QKI: variants seen among roughly 807,000 people sequenced by gnomAD.
QKI encodes KH domain-containing RNA-binding protein QKI.
A neutral mutation model predicts 39.0 loss-of-function variants in QKI; 10 were observed. The observed-to-expected ratio is 0.26, with a 90% CI of 0.16 to 0.43. The LOEUF (loss-of-function observed/expected upper bound fraction) is 0.43. Ranked by LOEUF, QKI falls within the 20% of genes least tolerant of loss-of-function variation. The pLI is 1.00. For synonymous variants in QKI, 204 were observed against 155.4 expected (o/e 1.31, Z -2.33); for missense variants, 218 against 428.0 (o/e 0.51, Z 4.33).
intron 4 of QKI, among the ~76,000 whole-genome samples, chr6:163,540,646 G>T (rs1781450790): frequency 6.6e-6 from 1 of 152,098 alleles, no homozygotes; most frequent in South Asian, 2.1e-4. Flanking sequence ...AGGGTTTTGA[G>T]ATAATCACAC....
chr6:163,513,123 G>A (rs1445251673), intron 3 of QKI, among the ~76,000 whole-genome samples: 1 of 152,012 alleles, frequency 6.6e-6, no homozygotes, highest in Non-Finnish European at 1.5e-5. Flanking sequence ...CTTTATCATA[G>A]GCATGTGTTT....
At chr6:163,433,218 C>T (rs958155104) in intron 1 of QKI, among the ~76,000 whole-genome samples, 4 of 152,140 alleles carry the variant, frequency 2.6e-5, no homozygotes, top group Non-Finnish European at 5.9e-5. Context: ...TACATGGTAA[C>T]TGCAGATAGG....
intron 1 of QKI, among the ~76,000 whole-genome samples, chr6:163,446,488 G>C (rs1488752485): frequency 6.6e-6 from 1 of 152,102 alleles, no homozygotes; most frequent in Non-Finnish European, 1.5e-5. Flanking sequence ...ACTTGCTGTT[G>C]CATCTTCTTC....
At position 163,517,058 on chromosome 6, in the gene QKI, ACTCTCTCTCTCTCTCTCTCTCTTT is replaced by A. The variant is rs1029120197; in HGVS notation, c.403-17903_403-17880del. Among the ~76,000 whole-genome samples, 47 of 142,290 alleles carry A rather than the reference ACTCTCTCTCTCTCTCTCTCTCTTT, an allele frequency of 3.3e-4. 1 individual carries two copies. Among genetic ancestry groups the A allele is most frequent in the Middle Eastern group, 7.3e-3 (2 of 274 alleles). 93.3% of individuals were successfully genotyped at this position (142,290 alleles called of 152,430 possible). A position where few individuals can be genotyped will look rare whatever the true frequency, so the allele number is the denominator to read the frequency against. On this transcript the variant is annotated intron_variant, in intron 3 of 7. Transcript: ENST00000361752. ...GGGACACACACACACACACACACTC[ACTCTCTCTCTCTCTCTCTCTCTTT>A]CTCTCTCTCTCTCTCTCTCTAGCTC... is the stretch of plus-strand genomic sequence containing the variant.
At chr6:163,430,798 G>A (rs11970766) in intron 1 of QKI, among the ~76,000 whole-genome samples, 4,232 of 152,200 alleles carry the variant, frequency 0.028, 194 homozygotes, top group African/African-American at 0.096. Context: ...AACAAGGAAG[G>A]CTTTAGGCTG....
intron 4 of QKI, among the ~76,000 whole-genome samples, chr6:163,557,351 T>TA (rs1247703065): frequency 6.6e-6 from 1 of 152,126 alleles, no homozygotes; most frequent in Non-Finnish European, 1.5e-5. Flanking sequence ...TATTTAGCCA[T>TA]AAAAAAGAAT....
At chr6:163,492,768 A>G (rs531085309) in intron 3 of QKI, among the ~76,000 whole-genome samples, 18 of 152,326 alleles carry the variant, frequency 1.2e-4, no homozygotes, top group African/African-American at 4.3e-4. Context: ...ATTGAATAAT[A>G]GACAAGTGAG....
At chr6:163,415,502 G>T (rs1178401163) in intron 1 of QKI, among the ~76,000 whole-genome samples, 167 bp downstream of exon 1, 2 of 149,860 alleles carry the variant, frequency 1.3e-5, no homozygotes, top group Non-Finnish European at 1.5e-5. Context: ...CCGGGCTTGC[G>T]GCGGGCGGGC....
At chr6:163,557,857 T>G (rs1190320448) in intron 4 of QKI, among the ~76,000 whole-genome samples, 1 of 152,008 alleles carries the variant, frequency 6.6e-6, no homozygotes, top group Non-Finnish European at 1.5e-5. Context: ...GATATTGCAC[T>G]TAAGATCTTG....
At chr6:163,450,190 TGGGATGACA>T (rs1257548487) in intron 1 of QKI, among the ~76,000 whole-genome samples, 1 of 152,138 alleles carries the variant, frequency 6.6e-6, no homozygotes, top group Non-Finnish European at 1.5e-5. Flanking sequence ...CCCGAGTAGC[TGGGATGACA>T]GGTGCCTGCC....
At chr6:163,453,101 T>G (rs768304029) in intron 1 of QKI, among the ~76,000 whole-genome samples, 9 of 151,998 alleles carry the variant, frequency 5.9e-5, no homozygotes, top group Non-Finnish European at 1.0e-4. Flanking sequence ...TTTTGTTTTT[T>G]TTTTTTCTAA....
intron 1 of QKI, among the ~76,000 whole-genome samples, chr6:163,447,633 C>T (rs925100424): frequency 6.6e-6 from 1 of 151,992 alleles, no homozygotes; most frequent in African/African-American, 2.4e-5. Context: ...AATCACTGAG[C>T]ATTAGTTGTT....
intron 3 of QKI, among the ~76,000 whole-genome samples, chr6:163,502,010 A>G (rs1357701234): frequency 6.6e-6 from 1 of 152,164 alleles, no homozygotes; most frequent in African/African-American, 2.4e-5. Flanking sequence ...GCTGCCTCAC[A>G]AAAAGGTTAT....
chr6:163,504,447 G>A (rs1778973881), intron 3 of QKI, among the ~76,000 whole-genome samples: 1 of 152,096 alleles, frequency 6.6e-6, no homozygotes, highest in South Asian at 2.1e-4. Context: ...ATTACTTTGG[G>A]CAGTATTGTC....
intron 3 of QKI, among the ~76,000 whole-genome samples, chr6:163,517,060 T>TCC (rs1401242547): frequency 7.1e-6 from 1 of 139,868 alleles, no homozygotes; most frequent in Non-Finnish European, 1.5e-5. Flanking sequence ...ACACACTCAC[T>TCC]CTCTCTCTCT....
intron 3 of QKI, among the ~76,000 whole-genome samples, chr6:163,519,483 T>G (rs1446202224): frequency 6.6e-6 from 1 of 151,942 alleles, no homozygotes; most frequent in Non-Finnish European, 1.5e-5. Flanking sequence ...GAGTCAGATT[T>G]GAGTTCAGGT....
At chr6:163,479,275 T>G (rs187928656) in intron 3 of QKI, among the ~76,000 whole-genome samples, 79 of 152,310 alleles carry the variant, frequency 5.2e-4, no homozygotes, top group Non-Finnish European at 9.9e-4. Flanking sequence ...AGTAAAGCTC[T>G]GTCTCAAAAA....
chr6:163,511,525 C>T (rs1180460004), intron 3 of QKI, among the ~76,000 whole-genome samples: 1 of 151,662 alleles, frequency 6.6e-6, no homozygotes, highest in Non-Finnish European at 1.5e-5. Context: ...ACATCACTGT[C>T]GATCATATGG....
At chr6:163,509,194 A>C (rs1779286116) in intron 3 of QKI, among the ~76,000 whole-genome samples, 1 of 152,152 alleles carries the variant, frequency 6.6e-6, no homozygotes, top group African/African-American at 2.4e-5. Context: ...GAAATTGCCA[A>C]CCCTGAATTC....
Sources: allele counts gnomAD v4.1 joint callset (sites outside exome capture counted in the v4.1 genomes callset), GRCh38; gene constraint gnomAD v4.1.1; transcripts MANE v1.5; gene names NCBI Gene and HGNC (gene_info 2026-07-23, HGNC 2026-07-21).